SETD2: variants seen among roughly 807,000 people sequenced by gnomAD.
The protein encoded by SETD2 is SET domain containing 2, histone lysine methyltransferase.
In SETD2, 31 loss-of-function variants were observed where a neutral mutation model predicts 242.1. The observed-to-expected ratio is 0.13, with a 90% confidence interval of 0.10 to 0.17. The LOEUF (loss-of-function observed/expected upper bound fraction) is 0.17, where lower values mean the gene tolerates loss of function less well. Ranked by LOEUF, SETD2 falls within the 10% of genes least tolerant of loss-of-function variation. The pLI is 1.00. For missense variants in SETD2, 2,481 were observed against 3,046.3 expected, an observed-to-expected ratio of 0.81 and a Z score of 4.37; for synonymous variants, 1,006 against 1,066.5, an observed-to-expected ratio of 0.94 and a Z score of 1.11.
intron 5 of SETD2, among the ~76,000 whole-genome samples, chr3:47,109,907 AC>A (rs2042585212): frequency 6.8e-6 from 1 of 148,064 alleles, no homozygotes; most frequent in Admixed American, 6.9e-5. Flanking sequence ...AATCACTTGA[AC>A]CCGGGAAGCA....
At chr3:47,097,224 A>G (rs982855046) in intron 9 of SETD2, among the ~76,000 whole-genome samples, 1 of 152,190 alleles carries the variant, frequency 6.6e-6, no homozygotes, top group Admixed American at 6.5e-5. Context: ...ACAGGTCTAG[A>G]GAGTAGCCCA....
intron 1 of SETD2, among the ~76,000 whole-genome samples, chr3:47,158,229 C>T (rs141190787): frequency 2.0e-5 from 3 of 152,200 alleles, no homozygotes; most frequent in African/African-American, 4.8e-5. Context: ...TGTCATATTG[C>T]TTAGTATGTG....
In SETD2 at chr3:47,138,324, C is replaced by G. The variant is rs1229341704; in HGVS notation, c.72-11661G>C. 2.6e-5 allele frequency: 7 copies of G among 266,366 alleles called. No individual in the cohort carries two copies. In the Admixed American group the frequency reaches 2.6e-4, roughly 10 times the overall value. The allele number at this position is 266,366 out of a possible 1,614,324, so 16.5% of individuals were successfully genotyped here. On this transcript the variant is annotated intron_variant, in intron 1 of 20. Transcript: ENST00000409792. ...TCACTCTGTCGCCCAGGCTGGAGTA[C>G]AGTGGCGCGATCTCAGCTCACTGCA...
At chr3:47,028,038 A>T (rs906037754) in intron 18 of SETD2, among the ~76,000 whole-genome samples, 5 of 151,876 alleles carry the variant, frequency 3.3e-5, no homozygotes, top group Non-Finnish European at 7.4e-5. Context: ...TTTTGTTTTT[A>T]AAAAGCTTGT....
rs567099786 is a variant in SETD2 at position 47,073,872 on chromosome 3, G to A, written c.6061-6754C>T. Among the ~76,000 whole-genome samples the A allele has an allele frequency of 5.9e-5, 9 of 152,240 alleles. 1 individual carries two copies. The South Asian group carries it at 8.3e-4, about 14-fold the overall frequency. ...GGGGTGGTGAAATTCTCATTCTTAC[G>A]TATATACACTGCCAATGAGAGCTGA... On this transcript the variant is annotated intron_variant, in intron 12 of 20. Transcript: ENST00000409792.
At chr3:47,057,926 G>A (rs2040149025) in intron 14 of SETD2, among the ~76,000 whole-genome samples, 1 of 152,072 alleles carries the variant, frequency 6.6e-6, no homozygotes, top group Non-Finnish European at 1.5e-5. Context: ...AAGAGAAATA[G>A]TTGAAAAATA....
intron 1 of SETD2, chr3:47,145,502 C>G (rs1002130408): frequency 2.3e-6 from 1 of 438,240 alleles, no homozygotes; most frequent in Non-Finnish European, 4.6e-6. Context: ...TCAAATGATC[C>G]TCCTACCTCA....
intron 8 of SETD2, chr3:47,098,289 CT>C (rs1257366189): frequency 3.8e-5 from 14 of 372,570 alleles, no homozygotes; most frequent in Non-Finnish European, 5.7e-5. Flanking sequence ...AATCATCTTT[CT>C]TTGGGAGACA....
At chr3:47,028,465 C>G (rs111689139) in intron 18 of SETD2, among the ~76,000 whole-genome samples, 1 of 152,152 alleles carries the variant, frequency 6.6e-6, no homozygotes, top group Non-Finnish European at 1.5e-5. Flanking sequence ...AGATCCCAGA[C>G]AGGTGATGCC....
chr3:47,108,616 C>T (rs1190191597), intron 5 of SETD2, among the ~76,000 whole-genome samples: 6 of 152,182 alleles, frequency 3.9e-5, no homozygotes, highest in African/African-American at 9.7e-5. Context: ...ATATCAGAGC[C>T]TGACCAGCCA....
chr3:47,123,176 G>C lies in SETD2; in HGVS notation c.1460C>G (p.Ser487Cys), dbSNP rs2043175871. The change falls in exon 3 of 21, where the codon TCC (serine) becomes TGC (cysteine). Residue 487 changes from serine to cysteine, a missense_variant. This residue lies in a region of SETD2 where 1,300 missense variants were observed against 1,259.2 expected (regional missense o/e 1.03). Transcript: ENST00000409792. ...SSSYRDLRTS[S>C]YSKSDRDCKT... ...ACAGTCCCGATCAGATTTAGAATAG[G>C]ATGATGTCCTTAGGTCTCTGTAAGA... The C allele has an allele frequency of 1.9e-6, 3 of 1,605,572 alleles. No individual in the cohort carries two copies. The highest frequency in any genetic ancestry group is 2.6e-6 in the Non-Finnish European group (3 of 1,174,892).
At chr3:47,041,352 AAACT>A (rs1305039573) in intron 17 of SETD2, 2 of 449,180 alleles carry the variant, frequency 4.5e-6, no homozygotes, top group Middle Eastern at 6.5e-4. Context: ...ACAATTACTA[AAACT>A]AACAGTTGTA....
In SETD2 at chr3:47,123,377, G is replaced by A. The variant is rs2106702292; in HGVS notation, c.1259C>T (p.Ser420Phe). 3.2e-6 allele frequency: 5 copies of A among 1,551,660 alleles called. No individual in the cohort carries two copies. Among genetic ancestry groups the A allele is most frequent in the African/African-American group, 2.7e-5 (2 of 73,142 alleles). The change falls in exon 3 of 21, where the codon TCC (serine) becomes TTC (phenylalanine). Residue 420 changes from serine to phenylalanine, a missense_variant. By Grantham distance (155) the Ser-to-Phe change is radical. Around this residue, in one of 17 missense-constraint regions of SETD2, gnomAD observed 1,300 missense variants for 1,259.2 expected, o/e 1.03. Coordinates refer to ENST00000409792, the MANE Select transcript of SETD2 (RefSeq NM_014159.7). ...ATAATAATGAGATCGTTCTGACCTG[G>A]AATAGGATAAATTAGTTCTAGAGCC... ...ERGSRTNLSY[S>F]RSERSHYYDS...
At chr3:47,142,719 A>G (rs1391385426) in intron 1 of SETD2, among the ~76,000 whole-genome samples, 1 of 145,704 alleles carries the variant, frequency 6.9e-6, no homozygotes, top group Admixed American at 7.0e-5. Flanking sequence ...GCCAGGCTGG[A>G]GTGCAATGGC....
chr3:47,130,422 C>A (rs1007727882), intron 1 of SETD2, among the ~76,000 whole-genome samples: 5 of 152,138 alleles, frequency 3.3e-5, no homozygotes, highest in Non-Finnish European at 5.9e-5. Flanking sequence ...GGAGAGTCTT[C>A]TTGGGTAGGA....
chr3:47,084,267 C>T lies in SETD2; in HGVS notation c.5513G>A (p.Ser1838Asn). 1 of 1,614,056 alleles carries T rather than the reference C, an allele frequency of 6.2e-7. No individual in the cohort carries two copies. The highest frequency in any genetic ancestry group is 8.5e-7 in the Non-Finnish European group (1 of 1,179,978). Residue 1838 changes from serine to asparagine, a missense_variant, in exon 12 of 21, where the codon AGT becomes AAT. Ser to Asn is a conservative substitution (Grantham distance 46). Transcript: ENST00000409792. ...CTCACTAGAATACCCATCTCCTTCA[C>T]TCAACGGAGGGACAGCAGTCTTAGT... ...SQTKTAVPPL[S>N]EGDGYSSENT...
intron 1 of SETD2, among the ~76,000 whole-genome samples, chr3:47,154,348 G>A (rs1034323658): frequency 6.6e-6 from 1 of 152,038 alleles, no homozygotes; most frequent in Non-Finnish European, 1.5e-5. Flanking sequence ...GGCAAAGGTT[G>A]CAGTGAGCCG....
intron 15 of SETD2, among the ~76,000 whole-genome samples, chr3:47,055,427 C>T (rs1397671369): frequency 6.6e-6 from 1 of 152,010 alleles, no homozygotes; most frequent in African/African-American, 2.4e-5. Flanking sequence ...TACTGCTGGC[C>T]AGGCACAGTG....
intron 2 of SETD2, among the ~76,000 whole-genome samples, chr3:47,125,305 C>T (rs143800492): frequency 2.6e-4 from 39 of 149,400 alleles, no homozygotes; most frequent in Non-Finnish European, 4.7e-4. Flanking sequence ...GGCAACAGAG[C>T]GAGCCTCTGT....
Sources: allele counts gnomAD v4.1 joint callset (sites outside exome capture counted in the v4.1 genomes callset), GRCh38; gene constraint gnomAD v4.1.1; regional missense constraint gnomAD v4.1.1; transcripts MANE v1.5; gene names NCBI Gene and HGNC (gene_info 2026-07-23, HGNC 2026-07-21).